The following STPG4 variants were observed in gnomAD, a reference collection of about 807,000 sequenced individuals.
STPG4 encodes the protein sperm-tail PG-rich repeat containing 4.
Under a neutral mutation model 31.5 loss-of-function variants are expected in STPG4, and 41 were observed. The ratio of observed to expected loss-of-function variants is 1.30; its 90% CI spans 1.01 to 1.69. The LOEUF is 1.69. Among genes scored for constraint, STPG4 ranks in the 40% most tolerant of loss-of-function variants. The pLI is 0.00. For missense variants in STPG4, 375 were observed against 293.4 expected (o/e 1.28, Z -2.03); for synonymous variants, 141 against 103.0 (o/e 1.37, Z -2.24).
At chr2:47,114,754 C>T (rs972293168) in intron 5 of STPG4, among the ~76,000 whole-genome samples, 3 of 151,716 alleles carry the variant, frequency 2.0e-5, no homozygotes, top group African/African-American at 7.2e-5. Flanking sequence ...AACGATCATC[C>T]AACAATACAT....
chr2:47,092,262 G>C (rs538167398), intron 5 of STPG4, among the ~76,000 whole-genome samples: 44 of 149,748 alleles, frequency 2.9e-4, no homozygotes, highest in African/African-American at 1.0e-3. Flanking sequence ...AGGCATGGTG[G>C]CTCACGCCTG....
At chr2:47,143,808 C>T (rs752161076) in intron 3 of STPG4, among the ~76,000 whole-genome samples, 1 of 151,996 alleles carries the variant, frequency 6.6e-6, no homozygotes, top group South Asian at 2.1e-4. Context: ...CATTTTTAAC[C>T]GGAATATTTA....
chr2:47,101,324 G>C (rs1685795005), intron 5 of STPG4, among the ~76,000 whole-genome samples: 1 of 151,670 alleles, frequency 6.6e-6, no homozygotes, highest in Non-Finnish European at 1.5e-5. Flanking sequence ...GCTGAGCCGA[G>C]GGTTGACAGA....
At chr2:47,107,062 C>T (rs1435825224) in intron 5 of STPG4, among the ~76,000 whole-genome samples, 2 of 151,970 alleles carry the variant, frequency 1.3e-5, no homozygotes, top group Admixed American at 6.6e-5. Context: ...GCCAAATTCC[C>T]AACAGCAGTT....
intron 5 of STPG4, among the ~76,000 whole-genome samples, chr2:47,123,738 TC>T (rs1686316346): frequency 6.6e-6 from 1 of 152,200 alleles, no homozygotes; most frequent in South Asian, 2.1e-4. Flanking sequence ...TCAGAGCTTA[TC>T]TACTATGATG....
intron 3 of STPG4, among the ~76,000 whole-genome samples, chr2:47,149,691 TCTCAG>T (rs1457699730): frequency 1.3e-5 from 2 of 152,268 alleles, no homozygotes; most frequent in Non-Finnish European, 2.9e-5. Context: ...AATACATTTC[TCTCAG>T]GTTATCACAA....
chr2:47,122,159 T>A (rs1422596105), intron 5 of STPG4, among the ~76,000 whole-genome samples: 1 of 152,174 alleles, frequency 6.6e-6, no homozygotes, highest in Admixed American at 6.5e-5. Context: ...GAATTGTCTA[T>A]TTATGTCCTT....
intron 3 of STPG4, among the ~76,000 whole-genome samples, chr2:47,137,020 C>T (rs548296695): frequency 6.6e-6 from 1 of 152,268 alleles, no homozygotes; most frequent in East Asian, 1.9e-4. Flanking sequence ...ACTTCCACTA[C>T]AATGTTGAAA....
chr2:47,091,443 C>G (rs562896429), intron 5 of STPG4, among the ~76,000 whole-genome samples: 2 of 152,238 alleles, frequency 1.3e-5, no homozygotes, highest in African/African-American at 4.8e-5. Context: ...AAACACCACA[C>G]TGGATAATGC....
chr2:47,151,392 T>G lies in STPG4; in HGVS notation c.265A>C (p.Asn89His). 1 of 1,614,256 alleles carries G rather than the reference T, an allele frequency of 6.2e-7. No homozygotes were observed. The highest frequency in any genetic ancestry group is 8.5e-7 in the Non-Finnish European group (1 of 1,180,042). ...GRKKPPLVQR[N>H]NPVLNDLPQY... ...GGAAGATCATTTAGGACTGGATTGT[T>G]TCTTTGCACAAGAGGTGGCTTTTTC... Residue 89 changes from asparagine (N) to histidine (H), a missense_variant, in exon 3 of 7, where the codon AAC (asparagine) becomes CAC (histidine). Coordinates refer to ENST00000445927, the MANE Select transcript of STPG4 (RefSeq NM_001163561.2).
intron 5 of STPG4, among the ~76,000 whole-genome samples, chr2:47,107,938 C>G (rs1215569627): frequency 1.4e-5 from 2 of 147,146 alleles, no homozygotes; most frequent in Admixed American, 6.8e-5. Context: ...TTATGTCTAG[C>G]TCAGGGATTG....
chr2:47,130,757 C>T (rs983558596), intron 3 of STPG4, among the ~76,000 whole-genome samples: 2 of 152,146 alleles, frequency 1.3e-5, no homozygotes, highest in African/African-American at 2.4e-5. Context: ...TCAAGTGATC[C>T]ACCTGCCTCA....
At chr2:47,093,084 C>T (rs1453548850) in intron 5 of STPG4, among the ~76,000 whole-genome samples, 1 of 152,220 alleles carries the variant, frequency 6.6e-6, no homozygotes. Flanking sequence ...AGACACCGCA[C>T]CCGGCCCTTC....
At chr2:47,133,570 C>CTTTTT (rs10682288) in intron 3 of STPG4, among the ~76,000 whole-genome samples, 40,224 of 66,496 alleles carry the variant, frequency 0.6, 15,693 homozygotes, top group Middle Eastern at 0.83. Flanking sequence ...GCACTCAAAT[C>CTTTTT]TTTTTTTTTT....
chr2:47,106,929 AG>A (rs1252470933), intron 5 of STPG4, among the ~76,000 whole-genome samples: 1 of 151,986 alleles, frequency 6.6e-6, no homozygotes, highest in African/African-American at 2.4e-5. Context: ...ACTTCTACCG[AG>A]GACCCCTGGA....
chr2:47,091,748 C>A (rs755568060), intron 5 of STPG4, among the ~76,000 whole-genome samples: 1 of 152,076 alleles, frequency 6.6e-6, no homozygotes, highest in African/African-American at 2.4e-5. Context: ...TTTCACAAAA[C>A]GGAGTTTAAG....
chr2:47,117,000 C>A (rs1686166193), intron 5 of STPG4, among the ~76,000 whole-genome samples: 1 of 152,098 alleles, frequency 6.6e-6, no homozygotes, highest in African/African-American at 2.4e-5. Context: ...TGAGAGGACA[C>A]CTAGCGCTTT....
At position 47,129,996 on chromosome 2, in the gene STPG4, C is replaced by T. The variant is rs1300597688; in HGVS notation, c.465-1G>A. ...AACTGTTGAGCGAAATACACAGCTC[C>T]TATATTTCAAAATAAAAAAGAAAAG... On this transcript the variant is annotated splice_acceptor_variant, in intron 4 of 6. Coordinates refer to ENST00000445927, the MANE Select transcript of STPG4 (RefSeq NM_001163561.2). LOFTEE classifies it high-confidence loss of function. 1.3e-6 allele frequency: 2 copies of T among 1,543,656 alleles called. No homozygotes were observed. The highest frequency in any genetic ancestry group is 1.4e-5 in the African/African-American group (1 of 72,630).
At chr2:47,110,954 T>A (rs530487049) in intron 5 of STPG4, among the ~76,000 whole-genome samples, 2 of 152,342 alleles carry the variant, frequency 1.3e-5, no homozygotes, top group Non-Finnish European at 2.9e-5. Flanking sequence ...ATTATACCTT[T>A]TAAAAAAATT....
Sources: gnomAD v4.1 joint callset for allele counts (sites outside exome capture counted in the v4.1 genomes callset) on GRCh38, gnomAD v4.1.1 for gene constraint, MANE v1.5 for transcripts, NCBI Gene and HGNC (gene_info 2026-07-23, HGNC 2026-07-21) for gene names.